The following PLCB1 variants were observed in gnomAD, a reference collection of about 807,000 sequenced individuals.
PLCB1 encodes phospholipase C beta 1.
Under a neutral mutation model 161.8 loss-of-function variants are expected in PLCB1, and 46 were observed. The observed-to-expected ratio is 0.28, with a 90% CI of 0.22 to 0.36. The LOEUF (loss-of-function observed/expected upper bound fraction) is 0.36, where lower values mean the gene tolerates loss of function less well. PLCB1 is among the 10% of genes least tolerant of loss of function. The probability of loss-of-function intolerance (pLI) is 1.00; values close to 1 mark genes in which losing one functional copy is unlikely to be tolerated. For synonymous variants in PLCB1, 517 were observed against 503.7 expected, an observed-to-expected ratio of 1.03 and a Z score of -0.35; for missense variants, 1,016 against 1,472.5, an observed-to-expected ratio of 0.69 and a Z score of 5.07.
At position 8,765,365 on chromosome 20, in the gene PLCB1, T is replaced by C; in HGVS notation, c.2930+7T>C. 1 of 1,588,106 alleles carries C rather than the reference T, an allele frequency of 6.3e-7. No individual in the cohort carries two copies. The highest frequency in any genetic ancestry group is 1.1e-5 in the South Asian group (1 of 87,878). Reference sequence around the variant, plus strand: ...AAAAGGACAGTAAGAAAAAGTAAGTTCAATGAATATTTTTAGTTGGTTTCA... The same window carrying C: ...AAAAGGACAGTAAGAAAAAGTAAGTCCAATGAATATTTTTAGTTGGTTTCA... On this transcript the variant is annotated splice_region_variant and intron_variant, in intron 26 of 31. Coordinates refer to ENST00000338037, the MANE Select transcript of PLCB1 (RefSeq NM_015192.4).
intron 3 of PLCB1, among the ~76,000 whole-genome samples, chr20:8,511,235 C>G (rs917353649): frequency 1.3e-5 from 2 of 152,072 alleles, no homozygotes; most frequent in African/African-American, 2.4e-5. Flanking sequence ...ACTTATCTTT[C>G]TCTACCTGGC....
intron 2 of PLCB1, among the ~76,000 whole-genome samples, chr20:8,176,844 A>G (rs1055713539): frequency 1.3e-5 from 2 of 152,184 alleles, no homozygotes; most frequent in Non-Finnish European, 2.9e-5. Context: ...ATGAAATTAA[A>G]AGGAACCTCC....
chr20:8,655,439 G>A (rs1229048289), intron 7 of PLCB1, among the ~76,000 whole-genome samples: 4 of 152,040 alleles, frequency 2.6e-5, no homozygotes, highest in African/African-American at 7.2e-5. Context: ...AGACAGAATT[G>A]TATAGCTGGG....
intron 2 of PLCB1, among the ~76,000 whole-genome samples, chr20:8,155,835 C>T (rs536878704): frequency 6.6e-6 from 1 of 152,234 alleles, no homozygotes; most frequent in Non-Finnish European, 1.5e-5. Context: ...GTAGCTTTCT[C>T]TAAAAGTTGA....
intron 2 of PLCB1, among the ~76,000 whole-genome samples, chr20:8,306,798 G>C (rs1187723660): frequency 1.3e-5 from 2 of 152,168 alleles, no homozygotes; most frequent in African/African-American, 4.8e-5. Flanking sequence ...AAAAACACTT[G>C]GAGGCGGTGA....
At chr20:8,307,220 A>T (rs1170524031) in intron 2 of PLCB1, among the ~76,000 whole-genome samples, 1 of 152,222 alleles carries the variant, frequency 6.6e-6, no homozygotes, top group Non-Finnish European at 1.5e-5. Flanking sequence ...GGGCATGGGC[A>T]CGTGTGGGTG....
chr20:8,527,758 T>G (rs925533792), intron 3 of PLCB1, among the ~76,000 whole-genome samples: 1 of 152,084 alleles, frequency 6.6e-6, no homozygotes, highest in Non-Finnish European at 1.5e-5. Context: ...TCTATGCACA[T>G]TATTGTAATT....
chr20:8,679,460 C>T (rs1990163091), intron 9 of PLCB1, among the ~76,000 whole-genome samples: 2 of 152,116 alleles, frequency 1.3e-5, no homozygotes, highest in South Asian at 4.2e-4. Flanking sequence ...AGCCCATAGC[C>T]CAGTAAATAC....
intron 2 of PLCB1, among the ~76,000 whole-genome samples, chr20:8,198,700 T>C (rs1321565294): frequency 6.6e-6 from 1 of 152,146 alleles, no homozygotes; most frequent in Non-Finnish European, 1.5e-5. Flanking sequence ...GAACTGCTGC[T>C]GCTTCAAACT....
At chr20:8,328,028 T>C (rs1223249293) in intron 2 of PLCB1, among the ~76,000 whole-genome samples, 1 of 152,138 alleles carries the variant, frequency 6.6e-6, no homozygotes. Context: ...TTATCTGAAA[T>C]GCTTGGGGCC....
rs146059921 is a variant in PLCB1, at chr20:8,565,182, T to C, written c.247-63112T>C. ...ATAAAAAAGGATGAGTTCATGTCCT[T>C]TGCAGGGACATGGATGAAGCTGGAA... is the stretch of plus-strand genomic sequence containing the variant. On this transcript the variant is annotated intron_variant, in intron 3 of 31. Coordinates refer to ENST00000338037, the MANE Select transcript of PLCB1 (RefSeq NM_015192.4). 9.9e-3 allele frequency among the ~76,000 whole-genome samples: 1,507 copies of C among 152,266 alleles called. 29 individuals carry two copies. The highest frequency in any genetic ancestry group is 0.035 in the African/African-American group (1,448 of 41,554).
At chr20:8,434,708 C>T (rs1430149721) in intron 3 of PLCB1, among the ~76,000 whole-genome samples, 1 of 152,192 alleles carries the variant, frequency 6.6e-6, no homozygotes, top group Admixed American at 6.5e-5. Context: ...CTTATGGTCA[C>T]ACAGCTAATA....
chr20:8,776,212 C>T (rs1174990841), intron 27 of PLCB1, among the ~76,000 whole-genome samples: 1 of 152,310 alleles, frequency 6.6e-6, no homozygotes, highest in South Asian at 2.1e-4. Context: ...TTAATTCTCA[C>T]AATAACCATT....
chr20:8,589,284 CAT>C (rs376440003), intron 3 of PLCB1, among the ~76,000 whole-genome samples: 33 of 152,172 alleles, frequency 2.2e-4, no homozygotes, highest in African/African-American at 7.5e-4. Context: ...AAAACAGACT[CAT>C]ATTCTACCTT....
chr20:8,392,701 G>T (rs2122438494), intron 3 of PLCB1, among the ~76,000 whole-genome samples: 1 of 152,326 alleles, frequency 6.6e-6, no homozygotes, highest in East Asian at 1.9e-4. Flanking sequence ...AAGTTGGGTA[G>T]AGTGGAAGGA....
intron 2 of PLCB1, among the ~76,000 whole-genome samples, chr20:8,216,777 T>C (rs116796145): frequency 6.6e-6 from 1 of 152,124 alleles, no homozygotes; most frequent in Non-Finnish European, 1.5e-5. Flanking sequence ...TTGCTATAGA[T>C]GAACATAAAA....
intron 23 of PLCB1, among the ~76,000 whole-genome samples, chr20:8,746,635 A>G (rs760938066): frequency 1.3e-5 from 2 of 152,162 alleles, no homozygotes; most frequent in South Asian, 2.1e-4. Flanking sequence ...GTGGTTCACC[A>G]TGCCTGGCCA....
intron 2 of PLCB1, among the ~76,000 whole-genome samples, chr20:8,269,955 A>G (rs182355370): frequency 6.6e-6 from 1 of 151,926 alleles, no homozygotes; most frequent in Non-Finnish European, 1.5e-5. Flanking sequence ...ATTTGGGGGT[A>G]TTATAATCAG....
At chr20:8,791,667 G>T (rs2146224783) in intron 31 of PLCB1, among the ~76,000 whole-genome samples, 1 of 150,268 alleles carries the variant, frequency 6.7e-6, no homozygotes, top group Non-Finnish European at 1.5e-5. Flanking sequence ...TGCGTGTTTT[G>T]GTTCAACAAT....
Sources: gnomAD v4.1 joint callset for allele counts (sites outside exome capture counted in the v4.1 genomes callset) on GRCh38, gnomAD v4.1.1 for gene constraint, MANE v1.5 for transcripts, NCBI Gene and HGNC (gene_info 2026-07-23, HGNC 2026-07-21) for gene names.